The following RUBCN variants were observed in gnomAD, a reference collection of about 807,000 sequenced individuals.
The protein encoded by RUBCN is run domain Beclin-1-interacting and cysteine-rich domain-containing protein.
Under a neutral mutation model 113.2 loss-of-function variants are expected in RUBCN, and 74 were observed. The ratio of observed to expected loss-of-function variants is 0.65; its 90% CI spans 0.54 to 0.79. RUBCN has a LOEUF of 0.79. Ranked by LOEUF, RUBCN falls within the 30% of genes least tolerant of loss-of-function variation. RUBCN has a pLI of 0.00. For synonymous variants in RUBCN, 480 were observed against 490.0 expected (o/e 0.98, Z 0.27); for missense variants, 1,109 against 1,251.7 (o/e 0.89, Z 1.72).
In RUBCN at chr3:197,675,751, G is replaced by A. The variant is rs1008880840; in HGVS notation, c.2647-236C>T. ...CCGGAGAAGCTCCGACCCCCAGCGC[G>A]GCTCTCCATGAAGAGAGGAGAAGGA... On this transcript the variant is annotated intron_variant, in intron 18 of 19. Transcript: ENST00000296343. This position sits in a 1 kb window ranked among gnomAD's most constrained non-coding sequence, Gnocchi z 4.4. Among the ~76,000 whole-genome samples, 5 of 152,194 alleles carry A rather than the reference G, an allele frequency of 3.3e-5. No individual in the cohort carries two copies. The highest frequency in any genetic ancestry group is 2.1e-4 in the South Asian group (1 of 4,834).
rs1357430944 is a variant in RUBCN at position 197,717,969 on chromosome 3, C to T, written c.219+8G>A. The T allele has an allele frequency of 6.2e-7, 1 of 1,613,276 alleles. No homozygotes were observed. Among genetic ancestry groups the T allele is most frequent in the African/African-American group, 1.3e-5 (1 of 74,914 alleles). On this transcript the variant is annotated splice_region_variant and intron_variant, in intron 2 of 19. Transcript: ENST00000296343. ...AGCCAATCTGGCAAAAAAAGGAGTTCTGCATACCTGGTCACGGATAAGCCC... is the reference window on the plus strand; with the variant it reads ...AGCCAATCTGGCAAAAAAAGGAGTTTTGCATACCTGGTCACGGATAAGCCC...
chr3:197,713,993 G>A (rs894068105), intron 2 of RUBCN, among the ~76,000 whole-genome samples: 1 of 151,838 alleles, frequency 6.6e-6, no homozygotes, highest in Non-Finnish European at 1.5e-5. Flanking sequence ...GGAGAATGGC[G>A]TAAACCCGGG....
At chr3:197,739,274 C>T (rs1332699746), upstream of RUBCN, among the ~76,000 whole-genome samples, 1 of 151,520 alleles carries the variant, frequency 6.6e-6, no homozygotes, top group Non-Finnish European at 1.5e-5. Context: ...GCCTGTAATC[C>T]CAGCTACTCA....
chr3:197,695,807 A>G (rs1722935466), intron 9 of RUBCN, 59 bp downstream of exon 9: 1 of 1,457,442 alleles, frequency 6.9e-7, no homozygotes, highest in Non-Finnish European at 9.6e-7. Context: ...ATGGCACCAC[A>G]GACCTTCAGA....
At chr3:197,682,728 TCA>T in intron 13 of RUBCN, 113 bp from the exon 14 acceptor site, 1 of 1,399,352 alleles carries the variant, frequency 7.1e-7, no homozygotes, top group Non-Finnish European at 1.0e-6. Flanking sequence ...TGGGGTAAGT[TCA>T]CACGGACGGG....
Position 197,736,690 on chromosome 3 carries a change from G to T in RUBCN, c.30C>A (p.Leu10=). The change falls in exon 1 of 20, where the codon CTC becomes CTA. Residue 10 remains leucine, a synonymous_variant. Transcript: ENST00000296343. ...CAGGCAGGCGCTCCTCGCCGCCTCC[G>T]AGCTCCATTCCCGCGCCCTCCGGCC... MRPEGAGME[L]GGGEERLPEE... 1 of 1,531,986 alleles carries T rather than the reference G, an allele frequency of 6.5e-7. No individual in the cohort carries two copies. The highest frequency in any genetic ancestry group is 1.2e-5 in the South Asian group (1 of 83,858). The allele number at this position is 1,531,986 out of a possible 1,614,324, so 94.9% of individuals were successfully genotyped here.
intron 8 of RUBCN, among the ~76,000 whole-genome samples, chr3:197,696,724 C>T (rs566544230): frequency 6.6e-6 from 1 of 152,274 alleles, no homozygotes; most frequent in South Asian, 2.1e-4. Flanking sequence ...CCGGTGCGAA[C>T]ACCCAGCACG....
At chr3:197,708,944 A>G (rs558406128) in intron 2 of RUBCN, among the ~76,000 whole-genome samples, 1 of 152,294 alleles carries the variant, frequency 6.6e-6, no homozygotes, top group South Asian at 2.1e-4. Context: ...TGAAAATTTT[A>G]TATTCATACT....
Position 197,675,238 on chromosome 3 carries a change from G to A in RUBCN, c.2741-42C>T. On this transcript the variant is annotated intron_variant, in intron 19 of 19. Transcript: ENST00000296343. The surrounding 1 kb of genome is among the most constrained non-coding windows in gnomAD (Gnocchi z 4.4). The stretch of plus-strand genomic sequence containing the variant: ...GGTGGGGGAGAGAAGAAAACAATTT[G>A]TATTATCTCCAGCTAGAGGTCAGTT... 1.2e-6 allele frequency: 2 copies of A among 1,606,862 alleles called. No individual in the cohort carries two copies. Among genetic ancestry groups the A allele is most frequent in the Non-Finnish European group, 1.7e-6 (2 of 1,173,644 alleles).
Position 197,674,937 on chromosome 3 carries a change from G to C in RUBCN, c.*81C>G. 6 of 1,224,138 alleles carry C rather than the reference G, an allele frequency of 4.9e-6. No individual in the cohort carries two copies. Among genetic ancestry groups the C allele is most frequent in the Middle Eastern group, 2.8e-4 (1 of 3,512 alleles). 75.8% of individuals were successfully genotyped at this position (1,224,138 alleles called of 1,614,324 possible). A position where few individuals can be genotyped will look rare whatever the true frequency, so the allele number is the denominator to read the frequency against. On this transcript the variant is annotated 3_prime_UTR_variant, in exon 20 of 20. Coordinates refer to ENST00000296343, the MANE Select transcript of RUBCN (RefSeq NM_014687.4). ...AAAAAAAAAAAAAAAAGAAGCCCCA[G>C]GTGGGGCGAGTCCTTCAAAGAGTGG... is the stretch of plus-strand genomic sequence containing the variant.
chr3:197,674,581 G>A lies in RUBCN; in HGVS notation c.*437C>T, dbSNP rs1259429462. The A allele has an allele frequency of 4.0e-6, 2 of 497,222 alleles. No homozygotes were observed. The highest frequency in any genetic ancestry group is 3.0e-5 in the South Asian group (2 of 66,084). 30.8% of individuals were successfully genotyped at this position (497,222 alleles called of 1,614,324 possible). A position where few individuals can be genotyped will look rare whatever the true frequency, so the allele number is the denominator to read the frequency against. On this transcript the variant is annotated 3_prime_UTR_variant, in exon 20 of 20. Coordinates refer to ENST00000296343, the MANE Select transcript of RUBCN (RefSeq NM_014687.4). ...CAGGGAGAGGGAAAACGCCATCCCC[G>A]TTTCAGCAGCAGGAGAGGTGGTTGA...
At position 197,691,143 on chromosome 3, in the gene RUBCN, T is replaced by A. The variant is rs903880462; in HGVS notation, c.1786+2572A>T. The A allele has an allele frequency of 3.9e-6, 5 of 1,283,018 alleles. No individual in the cohort carries two copies. In the African/African-American group the frequency reaches 7.6e-5, roughly 20 times the overall value. The allele number at this position is 1,283,018 out of a possible 1,614,324, so 79.5% of individuals were successfully genotyped here. A position where few individuals can be genotyped will look rare whatever the true frequency, so the allele number is the denominator to read the frequency against. The stretch of plus-strand genomic sequence containing the variant: ...ATGTGAGTCAGGTTAGATCCTTCGC[T>A]ACCATCTGTGTAATAATGATGATAA... On this transcript the variant is annotated intron_variant, in intron 11 of 19. Coordinates refer to ENST00000296343, the MANE Select transcript of RUBCN (RefSeq NM_014687.4).
intron 11 of RUBCN, among the ~76,000 whole-genome samples, chr3:197,686,379 A>T (rs1452998265): frequency 1.3e-5 from 2 of 152,206 alleles, no homozygotes; most frequent in Non-Finnish European, 2.9e-5. Flanking sequence ...CTTCCTAGGC[A>T]ATCATGAATA....
intron 2 of RUBCN, among the ~76,000 whole-genome samples, chr3:197,713,770 G>C: frequency 6.6e-6 from 1 of 151,692 alleles, no homozygotes; most frequent in East Asian, 1.9e-4. Flanking sequence ...GCATACGGCA[G>C]AACTGCATTA....
chr3:197,732,654 T>C (rs1487955338), intron 1 of RUBCN, among the ~76,000 whole-genome samples: 1 of 152,164 alleles, frequency 6.6e-6, no homozygotes, highest in Non-Finnish European at 1.5e-5. Flanking sequence ...ATAACTGGCA[T>C]TTAGGAAACG....
intron 18 of RUBCN, chr3:197,676,585 TGA>T: frequency 8.0e-7 from 1 of 1,253,246 alleles, no homozygotes; most frequent in Non-Finnish European, 1.0e-6. Context: ...ATTGCTGGGA[TGA>T]GAGGCCTAAG....
chr3:197,708,297 G>A (rs1057477312), intron 2 of RUBCN, among the ~76,000 whole-genome samples: 3 of 151,862 alleles, frequency 2.0e-5, no homozygotes, highest in African/African-American at 4.8e-5. Flanking sequence ...CACCACGCCT[G>A]GCTAATTTTT....
In RUBCN at chr3:197,674,856, G is replaced by A; in HGVS notation, c.*162C>T. 3.3e-6 allele frequency: 2 copies of A among 603,194 alleles called. No homozygotes were observed. Among genetic ancestry groups the A allele is most frequent in the South Asian group, 2.5e-5 (1 of 40,272 alleles). The allele number at this position is 603,194 out of a possible 1,614,324, so 37.4% of individuals were successfully genotyped here. ...CCCATCAACCTGCCGACGGCTGACT[G>A]CACACAGACGTCAGACAAGTCAGTA... is the stretch of plus-strand genomic sequence containing the variant. On this transcript the variant is annotated 3_prime_UTR_variant, in exon 20 of 20. Transcript: ENST00000296343.
In RUBCN at chr3:197,675,630, A is replaced by C; in HGVS notation, c.2647-115T>G. 2.5e-6 allele frequency: 2 copies of C among 812,360 alleles called. No individual in the cohort carries two copies. The highest frequency in any genetic ancestry group is 4.3e-6 in the Non-Finnish European group (2 of 469,026). 50.3% of individuals were successfully genotyped at this position (812,360 alleles called of 1,614,324 possible). A position where few individuals can be genotyped will look rare whatever the true frequency, so the allele number is the denominator to read the frequency against. Reference sequence around the variant, plus strand: ...CAGGGTTCTGCTGCCCACAGGGAGGAGGCCTGGGCTGGACTCAGAAGCATG... The same window carrying C: ...CAGGGTTCTGCTGCCCACAGGGAGGCGGCCTGGGCTGGACTCAGAAGCATG... On this transcript the variant is annotated intron_variant, in intron 18 of 19. Coordinates refer to ENST00000296343, the MANE Select transcript of RUBCN (RefSeq NM_014687.4). The surrounding 1 kb of genome is among the most constrained non-coding windows in gnomAD (Gnocchi z 4.4).
Sources: allele counts gnomAD v4.1 joint callset (sites outside exome capture counted in the v4.1 genomes callset), GRCh38; gene constraint gnomAD v4.1.1; non-coding constraint Gnocchi (gnomAD v3.1); transcripts MANE v1.5; gene names NCBI Gene and HGNC (gene_info 2026-07-23, HGNC 2026-07-21).